MALT1: variants seen among roughly 807,000 people sequenced by gnomAD.
The protein encoded by MALT1 is MALT1 paracaspase.
Under a neutral mutation model 85.5 loss-of-function variants are expected in MALT1, and 36 were observed. That is an observed-to-expected ratio of 0.42 (90% CI 0.32 to 0.56). The LOEUF is 0.56. Ranked by LOEUF, MALT1 falls within the 20% of genes least tolerant of loss-of-function variation. MALT1 has a pLI of 0.10. For missense variants in MALT1, 716 were observed against 981.6 expected (o/e 0.73, Z 3.62); for synonymous variants, 359 against 361.3 (o/e 0.99, Z 0.07).
chr18:58,735,136 A>G (rs2055206925), intron 12 of MALT1, 66 bp from the exon 13 acceptor site: 1 of 1,382,746 alleles, frequency 7.2e-7, no homozygotes, highest in African/African-American at 1.5e-5. Flanking sequence ...TAGCATCCAC[A>G]TATAAGTGAG....
intron 4 of MALT1, among the ~76,000 whole-genome samples, chr18:58,704,078 G>A (rs1602304265): frequency 6.6e-6 from 1 of 152,116 alleles, no homozygotes; most frequent in African/African-American, 2.4e-5. Context: ...TCATTCTCCT[G>A]TTGATAGACA....
chr18:58,680,885 TGCAGTCC>T (rs1395108818), intron 1 of MALT1, among the ~76,000 whole-genome samples: 2 of 132,728 alleles, frequency 1.5e-5, no homozygotes, highest in African/African-American at 5.8e-5. Context: ...ATTGCGCCAC[TGCAGTCC>T]GCAGTCCGGC....
chr18:58,709,665 G>T, intron 5 of MALT1, 109 bp downstream of exon 5: 2 of 943,580 alleles, frequency 2.1e-6, no homozygotes, highest in South Asian at 2.3e-5. Flanking sequence ...ATGTTTTAAT[G>T]TTTTCAGTAT....
Position 58,708,974 on chromosome 18 carries a change from G to A in MALT1, c.650-404G>A, listed in dbSNP as rs1274255173. On this transcript the variant is annotated intron_variant, in intron 4 of 16. Transcript: ENST00000649217. ...AACTTATTTCAGTATGTCAAAGAAC[G>A]GAACTTAGAGCTTTCCATGTTAAAT... Among the ~76,000 whole-genome samples, 6 of 152,304 alleles carry A rather than the reference G, an allele frequency of 3.9e-5. No individual in the cohort carries two copies. In the South Asian group the frequency reaches 6.2e-4, roughly 16 times the overall value.
chr18:58,704,663 G>T (rs1351756203), intron 4 of MALT1, among the ~76,000 whole-genome samples: 1 of 152,134 alleles, frequency 6.6e-6, no homozygotes, highest in Non-Finnish European at 1.5e-5. Context: ...TCATCATGTT[G>T]CCCAGGCTGG....
intron 9 of MALT1, among the ~76,000 whole-genome samples, chr18:58,719,888 T>A (rs2054960293): frequency 6.6e-6 from 1 of 151,558 alleles, no homozygotes; most frequent in Non-Finnish European, 1.5e-5. Flanking sequence ...ATGTGATTTT[T>A]AAATAAATAC....
chr18:58,731,590 T>G (rs766388426), intron 10 of MALT1, among the ~76,000 whole-genome samples: 10 of 152,242 alleles, frequency 6.6e-5, no homozygotes, highest in African/African-American at 1.2e-4. Flanking sequence ...TACCTCGCTC[T>G]CTCTCTGCCT....
chr18:58,724,587 G>C (rs1249904088), intron 10 of MALT1, among the ~76,000 whole-genome samples: 1 of 152,184 alleles, frequency 6.6e-6, no homozygotes, highest in Non-Finnish European at 1.5e-5. Flanking sequence ...GTGCCAACAT[G>C]ATGCCACAAG....
rs1163926751 is a variant in MALT1, at chr18:58,723,263, A to G, written c.1222+12A>G. The G allele has an allele frequency of 6.3e-7, 1 of 1,579,216 alleles. No homozygotes were observed. Among genetic ancestry groups the G allele is most frequent in the Non-Finnish European group, 8.7e-7 (1 of 1,150,198 alleles). ...CAAGGGAGTATATGGTAAGATATTT[A>G]TAATGTTTGTTTTTACAATTATCCA... On this transcript the variant is annotated intron_variant, in intron 10 of 16. Coordinates refer to ENST00000649217, the MANE Select transcript of MALT1 (RefSeq NM_006785.4).
intron 3 of MALT1, chr18:58,697,149 CTCTA>C (rs2054602212): frequency 6.6e-6 from 1 of 152,258 alleles, no homozygotes; most frequent in Admixed American, 6.5e-5. Context: ...CCCCATCCCT[CTCTA>C]TCCTCCTCCC....
At chr18:58,734,606 T>A in intron 12 of MALT1, 2 of 483,120 alleles carry the variant, frequency 4.1e-6, no homozygotes, top group Non-Finnish European at 7.4e-6. Flanking sequence ...GTTTTTTGAT[T>A]ATAGATTAGA....
In MALT1 at chr18:58,753,041, A is replaced by G. The variant is rs1255470749; in HGVS notation, c.*5199A>G. 1 of 152,214 alleles carries G rather than the reference A, an allele frequency of 6.6e-6. No homozygotes were observed. The highest frequency in any genetic ancestry group is 2.4e-5 in the African/African-American group (1 of 41,442). 9.4% of individuals were successfully genotyped at this position (152,214 alleles called of 1,614,324 possible). On this transcript the variant is annotated 3_prime_UTR_variant, in exon 17 of 17. Transcript: ENST00000649217. ...AAATGGGGATGATGCTGTAACATCA[A>G]AGAGCTTATAATACTTTCCAGAGCT...
intron 3 of MALT1, among the ~76,000 whole-genome samples, chr18:58,699,309 A>G (rs1214163880): frequency 6.6e-6 from 1 of 152,242 alleles, no homozygotes; most frequent in African/African-American, 2.4e-5. Flanking sequence ...AGGAAAGAGT[A>G]TACATCAATA....
chr18:58,707,667 A>G, intron 4 of MALT1, among the ~76,000 whole-genome samples: 1 of 152,198 alleles, frequency 6.6e-6, no homozygotes, highest in East Asian at 1.9e-4. Flanking sequence ...ATAAAAGAAA[A>G]ATAGCATTAA....
chr18:58,681,164 T>C lies in MALT1; in HGVS notation c.210-6T>C, dbSNP rs1446701858. 1 of 1,611,628 alleles carries C rather than the reference T, an allele frequency of 6.2e-7. No individual in the cohort carries two copies. On this transcript the variant is annotated splice_region_variant and splice_polypyrimidine_tract_variant and intron_variant, in intron 1 of 16. Coordinates refer to ENST00000649217, the MANE Select transcript of MALT1 (RefSeq NM_006785.4). ...TGTTGACTTGAATTCTTTCTGTTGC[T>C]TTCAGTTGCCTAGACCTGGAGCAGT...
At chr18:58,673,328 C>T (rs990957037) in intron 1 of MALT1, among the ~76,000 whole-genome samples, 1 of 152,186 alleles carries the variant, frequency 6.6e-6, no homozygotes, top group Non-Finnish European at 1.5e-5. Flanking sequence ...ATATTAAATG[C>T]TGTGTTGGGT....
intron 10 of MALT1, among the ~76,000 whole-genome samples, chr18:58,728,112 A>G (rs898993877): frequency 3.3e-5 from 5 of 152,198 alleles, no homozygotes; most frequent in Non-Finnish European, 5.9e-5. Context: ...ACAAAAATAA[A>G]TATCTGTGAC....
chr18:58,724,441 G>A (rs1461046911), intron 10 of MALT1, among the ~76,000 whole-genome samples: 3 of 152,278 alleles, frequency 2.0e-5, no homozygotes, highest in Non-Finnish European at 4.4e-5. Flanking sequence ...ATGGACTGAT[G>A]ACTAATGGGT....
At chr18:58,686,424 A>G (rs1441956799) in intron 2 of MALT1, among the ~76,000 whole-genome samples, 2 of 152,250 alleles carry the variant, frequency 1.3e-5, no homozygotes, top group Non-Finnish European at 2.9e-5. Context: ...TGCCTGGAGA[A>G]GTGATGCCCT....
Sources: gnomAD v4.1 joint callset for allele counts (sites outside exome capture counted in the v4.1 genomes callset) on GRCh38, gnomAD v4.1.1 for gene constraint, MANE v1.5 for transcripts, NCBI Gene and HGNC (gene_info 2026-07-23, HGNC 2026-07-21) for gene names.